The following PPP1R12B variants were observed in gnomAD, a reference collection of about 807,000 sequenced individuals.
PPP1R12B encodes the protein myosin phosphatase target subunit 2.
In PPP1R12B, 76 loss-of-function variants were observed where a neutral mutation model predicts 126.1. That is an observed-to-expected ratio of 0.60 (90% CI 0.50 to 0.73). The LOEUF (loss-of-function observed/expected upper bound fraction) is 0.73. Ranked by LOEUF, PPP1R12B falls within the 30% of genes least tolerant of loss-of-function variation. The probability of loss-of-function intolerance (pLI) is 0.00; values close to 1 mark genes in which losing one functional copy is unlikely to be tolerated. For missense variants in PPP1R12B, 1,052 were observed against 1,205.1 expected (o/e 0.87, Z 1.88); for synonymous variants, 356 against 434.7 (o/e 0.82, Z 2.25).
intron 1 of PPP1R12B, among the ~76,000 whole-genome samples, chr1:202,394,189 T>C (rs1243969733): frequency 6.6e-6 from 1 of 151,582 alleles, no homozygotes; most frequent in Admixed American, 6.6e-5. Flanking sequence ...ATACAAAAAA[T>C]TAGCCGGGCA....
intron 10 of PPP1R12B, chr1:202,438,658 G>A: frequency 5.4e-6 from 3 of 557,454 alleles, no homozygotes; most frequent in Non-Finnish European, 9.9e-6. Flanking sequence ...TGTTGAGGAA[G>A]AAGACGCTTG....
chr1:202,473,698 C>T (rs994670028), intron 13 of PPP1R12B, among the ~76,000 whole-genome samples: 1 of 152,212 alleles, frequency 6.6e-6, no homozygotes, highest in Non-Finnish European at 1.5e-5. Flanking sequence ...TTGGCTCTGC[C>T]GAGGCCCAAG....
In PPP1R12B at chr1:202,437,802, T is replaced by C. The variant is rs1202967918; in HGVS notation, c.1255-19T>C. The C allele has an allele frequency of 1.5e-5, 24 of 1,573,084 alleles. No individual in the cohort carries two copies. Among genetic ancestry groups the C allele is most frequent in the Non-Finnish European group, 2.0e-5 (23 of 1,158,184 alleles). ...TCAGAGCCTTTATTTTTCATTTCTT[T>C]TATTTGCTTCTCTCATAGTTCTCTT... On this transcript the variant is annotated intron_variant, in intron 9 of 23. Coordinates refer to ENST00000608999, the MANE Select transcript of PPP1R12B (RefSeq NM_002481.4).
chr1:202,576,697 A>G (rs1689123390), intron 23 of PPP1R12B: 1 of 152,170 alleles, frequency 6.6e-6, no homozygotes, highest in Admixed American at 6.5e-5. Context: ...AGTATAGGAT[A>G]TGGGGCAAAA....
rs769814509 is a variant in PPP1R12B, at chr1:202,562,852, A to C, written c.2582A>C (p.Glu861Ala). The C allele has an allele frequency of 1.2e-6, 2 of 1,613,036 alleles. No homozygotes were observed. Among genetic ancestry groups the C allele is most frequent in the Non-Finnish European group, 1.7e-6 (2 of 1,179,676 alleles). The change falls in exon 20 of 24, where the codon GAG (glutamate) becomes GCG (alanine). Residue 861 changes from glutamate (E) to alanine (A), a missense_variant. Glu to Ala is a moderately radical substitution (Grantham distance 107). Coordinates refer to ENST00000608999, the MANE Select transcript of PPP1R12B (RefSeq NM_002481.4). The part of the protein sequence containing the change: ...GDRASARARR[E>A]AREARLATLT... ...CGGGCTTCAGCAAGAGCCCGTCGGGAGGCCCGGGAGGCCCGCCTAGCCACC... is the reference window on the plus strand; with the variant it reads ...CGGGCTTCAGCAAGAGCCCGTCGGGCGGCCCGGGAGGCCCGCCTAGCCACC...
At chr1:202,526,269 A>G (rs1264710122) in intron 18 of PPP1R12B, among the ~76,000 whole-genome samples, 1 of 152,228 alleles carries the variant, frequency 6.6e-6, no homozygotes, top group Non-Finnish European at 1.5e-5. Context: ...TCTTAGTGAA[A>G]TAGAAAGCAA....
At chr1:202,514,141 A>G (rs1234603943) in intron 18 of PPP1R12B, among the ~76,000 whole-genome samples, 1 of 151,404 alleles carries the variant, frequency 6.6e-6, no homozygotes, top group Non-Finnish European at 1.5e-5. Flanking sequence ...CTGGTGTGAG[A>G]TGGTATCTCA....
intron 1 of PPP1R12B, among the ~76,000 whole-genome samples, chr1:202,392,604 C>T (rs1404521561): frequency 1.3e-5 from 2 of 151,830 alleles, no homozygotes; most frequent in Non-Finnish European, 2.9e-5. Flanking sequence ...TCACTGCAAC[C>T]TCTGCCTCCT....
At position 202,496,964 on chromosome 1, in the gene PPP1R12B, G is replaced by A. The variant is rs547032667; in HGVS notation, c.2490+142G>A. On this transcript the variant is annotated intron_variant, in intron 18 of 23. Transcript: ENST00000608999. ...GATAGACATTCCTCTAAGAGATGGG[G>A]CAGGTGTTAGTTTGTGGTACTATTT... 30 of 777,242 alleles carry A rather than the reference G, an allele frequency of 3.9e-5. No individual in the cohort carries two copies. The African/African-American group carries it at 4.7e-4, about 12-fold the overall frequency. 48.1% of individuals were successfully genotyped at this position (777,242 alleles called of 1,614,324 possible).
intron 21 of PPP1R12B, among the ~76,000 whole-genome samples, chr1:202,566,159 G>A (rs769978179): frequency 2.6e-4 from 40 of 152,192 alleles, no homozygotes; most frequent in Non-Finnish European, 4.4e-4. Context: ...GGGGTTCTCA[G>A]CATTTCCACC....
chr1:202,369,177 A>T (rs1203380531), intron 1 of PPP1R12B, among the ~76,000 whole-genome samples: 1 of 152,230 alleles, frequency 6.6e-6, no homozygotes, highest in African/African-American at 2.4e-5. Context: ...CAGTGAAGAC[A>T]TTTCCCCAGT....
In PPP1R12B at chr1:202,585,745, C is replaced by T. The variant is rs1024323046; in HGVS notation, c.*5185C>T. ...TATTGAGGGTAATTGAATGATGTTG[C>T]AATGGCTTTCCCTCCTGCTGGCTTG... On this transcript the variant is annotated 3_prime_UTR_variant, in exon 24 of 24. Coordinates refer to ENST00000608999, the MANE Select transcript of PPP1R12B (RefSeq NM_002481.4). 3 of 152,184 alleles carry T rather than the reference C, an allele frequency of 2.0e-5. No individual in the cohort carries two copies. Among genetic ancestry groups the T allele is most frequent in the Non-Finnish European group, 1.5e-5 (1 of 68,032 alleles). The allele number at this position is 152,184 out of a possible 1,614,324, so 9.4% of individuals were successfully genotyped here.
chr1:202,475,869 C>T (rs1380269673), intron 13 of PPP1R12B, among the ~76,000 whole-genome samples: 1 of 151,714 alleles, frequency 6.6e-6, no homozygotes, highest in Non-Finnish European at 1.5e-5. Flanking sequence ...TTTTTGGGAT[C>T]TCTGAAGAAC....
At chr1:202,519,623 A>G (rs1011894872) in intron 18 of PPP1R12B, among the ~76,000 whole-genome samples, 4 of 152,090 alleles carry the variant, frequency 2.6e-5, no homozygotes, top group Non-Finnish European at 2.9e-5. Context: ...TGGAACTCCA[A>G]TTTTATTCTT....
intron 13 of PPP1R12B, among the ~76,000 whole-genome samples, chr1:202,461,930 C>A (rs185985814): frequency 1.1e-4 from 16 of 152,224 alleles, no homozygotes; most frequent in African/African-American, 3.1e-4. Context: ...GAGCCTGGGC[C>A]TCCTATCCCA....
At chr1:202,514,009 A>G (rs779794650) in intron 18 of PPP1R12B, among the ~76,000 whole-genome samples, 5 of 152,184 alleles carry the variant, frequency 3.3e-5, no homozygotes, top group Admixed American at 1.3e-4. Flanking sequence ...ACTCCCACCA[A>G]TAGTGTATAA....
chr1:202,583,877 GAA>G lies in PPP1R12B; in HGVS notation c.*3319_*3320del, dbSNP rs1418605845. On this transcript the variant is annotated 3_prime_UTR_variant, in exon 24 of 24. Coordinates refer to ENST00000608999, the MANE Select transcript of PPP1R12B (RefSeq NM_002481.4). ...GTCTTTACATGAAATATCAGAATGG[GAA>G]AGAGAATGTTCCTGGTAAAACTCTG... The G allele has an allele frequency of 6.6e-6, 1 of 152,166 alleles. No homozygotes were observed. Among genetic ancestry groups the G allele is most frequent in the African/African-American group, 2.4e-5 (1 of 41,454 alleles). 9.4% of individuals were successfully genotyped at this position (152,166 alleles called of 1,614,324 possible). A position where few individuals can be genotyped will look rare whatever the true frequency, so the allele number is the denominator to read the frequency against.
At chr1:202,521,285 C>T (rs1282465386) in intron 18 of PPP1R12B, among the ~76,000 whole-genome samples, 2 of 152,226 alleles carry the variant, frequency 1.3e-5, no homozygotes, top group East Asian at 1.9e-4. Flanking sequence ...CAGGTACTTA[C>T]ATTTTTTAGT....
intron 14 of PPP1R12B, among the ~76,000 whole-genome samples, chr1:202,490,319 A>G (rs1439985146): frequency 1.3e-5 from 2 of 152,202 alleles, no homozygotes; most frequent in African/African-American, 4.8e-5. Flanking sequence ...GACATTATAT[A>G]TGGCAGCAAA....
Sources: allele counts gnomAD v4.1 joint callset (sites outside exome capture counted in the v4.1 genomes callset), GRCh38; gene constraint gnomAD v4.1.1; transcripts MANE v1.5; gene names NCBI Gene and HGNC (gene_info 2026-07-23, HGNC 2026-07-21).